The following CAPN13 variants were observed in gnomAD, a reference collection of about 807,000 sequenced individuals.
CAPN13 encodes calpain-13.
In CAPN13, 90 loss-of-function variants were observed where a neutral mutation model predicts 98.4. The ratio of observed to expected loss-of-function variants is 0.92; its 90% CI spans 0.77 to 1.09. The LOEUF is 1.09. Ranked by LOEUF, CAPN13 falls within the 50% of genes least tolerant of loss-of-function variation. The pLI is 0.00. For missense variants in CAPN13, 887 were observed against 841.3 expected (o/e 1.05, Z -0.67); for synonymous variants, 330 against 305.5 (o/e 1.08, Z -0.84).
At chr2:30,770,496 G>A (rs1203814345) in intron 4 of CAPN13, 47 bp from the exon 5 acceptor site, 1 of 1,597,216 alleles carries the variant, frequency 6.3e-7, no homozygotes, top group African/African-American at 1.3e-5. Flanking sequence ...AGGCAGAAGG[G>A]AGCTCCTGGG....
intron 3 of CAPN13, 128 bp downstream of exon 3, chr2:30,777,439 C>A: frequency 2.6e-6 from 2 of 762,424 alleles, no homozygotes; most frequent in Non-Finnish European, 4.5e-6. Flanking sequence ...TGGGCGTGAG[C>A]AGTTTGTCCA....
At chr2:30,758,230 A>G in intron 7 of CAPN13, 93 bp from the exon 8 acceptor site, 1 of 906,048 alleles carries the variant, frequency 1.1e-6, no homozygotes, top group Non-Finnish European at 1.6e-6. Context: ...TCCAAGGACC[A>G]ATTTAACTTC....
intron 9 of CAPN13, 138 bp from the exon 10 acceptor site, chr2:30,753,336 T>G: frequency 2.3e-6 from 2 of 856,930 alleles, no homozygotes; most frequent in Non-Finnish European, 1.8e-6. Context: ...TCAAGCACCC[T>G]TCTATCTTTT....
chr2:30,734,343 C>T, intron 19 of CAPN13, 106 bp downstream of exon 19: 1 of 844,706 alleles, frequency 1.2e-6, no homozygotes, highest in Non-Finnish European at 2.0e-6. Context: ...CAGCGCTCCT[C>T]TCTCCTGATT....
At chr2:30,791,665 A>T (rs527762067) in intron 1 of CAPN13, among the ~76,000 whole-genome samples, 2 of 152,258 alleles carry the variant, frequency 1.3e-5, no homozygotes, top group African/African-American at 2.4e-5. Context: ...GAAAAGATGC[A>T]TAAGAGTTAA....
rs1375149941 is a variant in CAPN13 at position 30,764,229 on chromosome 2, G to C, written c.602C>G (p.Thr201Ser). Residue 201 changes from threonine (T) to serine (S), a missense_variant, in exon 6 of 23, where the codon ACC becomes AGC. Physicochemically the swap from Thr to Ser is moderately conservative, Grantham distance 58. Coordinates refer to ENST00000295055, the MANE Select transcript of CAPN13 (RefSeq NM_144575.3). ...AGGGGAAGAGTGCAGATGGATGTTGGTGATCACGCCTCCTGTGAGGTCCAC... is the reference window on the plus strand; with the variant it reads ...AGGGGAAGAGTGCAGATGGATGTTGCTGATCACGCCTCCTGTGAGGTCCAC... ...ALVDLTGGVI[T>S]NIHLHSSPVD... The C allele has an allele frequency of 1.2e-6, 2 of 1,613,256 alleles. No homozygotes were observed. The highest frequency in any genetic ancestry group is 2.2e-5 in the South Asian group (2 of 90,734).
chr2:30,727,358 C>T (rs1670892976), intron 22 of CAPN13, among the ~76,000 whole-genome samples: 1 of 152,078 alleles, frequency 6.6e-6, no homozygotes, highest in Admixed American at 6.5e-5. Flanking sequence ...CAGATGATGG[C>T]ATCAAAAACT....
At position 30,775,923 on chromosome 2, in the gene CAPN13, C is replaced by T; in HGVS notation, c.387+7G>A. 2.5e-6 allele frequency: 4 copies of T among 1,603,042 alleles called. No homozygotes were observed. The highest frequency in any genetic ancestry group is 1.7e-5 in the Admixed American group (1 of 59,338). On this transcript the variant is annotated splice_region_variant and intron_variant, in intron 4 of 22. Transcript: ENST00000295055. ...TCATATAATGAGCGCTGCAAGGGCA[C>T]ACGTACCCGGAAACGGAAAATGCCA...
At chr2:30,783,194 A>C (rs2148065001) in intron 2 of CAPN13, among the ~76,000 whole-genome samples, 1 of 152,318 alleles carries the variant, frequency 6.6e-6, no homozygotes, top group East Asian at 1.9e-4. Context: ...AATTCTCCTA[A>C]AAGGGGTCCA....
At position 30,763,136 on chromosome 2, in the gene CAPN13, C is replaced by A; in HGVS notation, c.720G>T (p.Ala240=). The A allele has an allele frequency of 3.7e-6, 6 of 1,611,362 alleles. No individual in the cohort carries two copies. The highest frequency in any genetic ancestry group is 5.1e-6 in the Non-Finnish European group (6 of 1,178,922). Residue 240 remains alanine (A), a synonymous_variant, in exon 7 of 23, where the codon GCG becomes GCT. Coordinates refer to ENST00000295055, the MANE Select transcript of CAPN13 (RefSeq NM_144575.3). ...GGAGACTCACCAGCCCATTCTCCAT[C>A]GCCTGTGCTGTATCTGTTGGCTTCA... ...TPSGPTDTAQ[A]MENGLVSLHA...
At chr2:30,770,258 G>A (rs1159659408) in intron 5 of CAPN13, 55 bp downstream of exon 5, 13 of 1,592,286 alleles carry the variant, frequency 8.2e-6, no homozygotes, top group South Asian at 1.1e-5. Flanking sequence ...TGCATTCCGG[G>A]TAGGCAGGAC....
Position 30,764,526 on chromosome 2 carries a change from C to A in CAPN13, c.525-220G>T, listed in dbSNP as rs113638877. 2.0e-3 allele frequency among the ~76,000 whole-genome samples: 300 copies of A among 152,304 alleles called. 2 individuals are homozygous for A. Among genetic ancestry groups the A allele is most frequent in the African/African-American group, 6.8e-3 (282 of 41,568 alleles). On this transcript the variant is annotated intron_variant, in intron 5 of 22. Transcript: ENST00000295055. ...TCTGTACCTTCCTGCCCTGGTCCCC[C>A]AGGCCTGCACAGTCCCATAAGTGGC...
rs1672463214 is a variant in CAPN13 at position 30,756,568 on chromosome 2, T to C, written c.866+1478A>G. Among the ~76,000 whole-genome samples, 3 of 152,208 alleles carry C rather than the reference T, an allele frequency of 2.0e-5. No homozygotes were observed. In the South Asian group the frequency reaches 6.2e-4, roughly 31 times the overall value. On this transcript the variant is annotated intron_variant, in intron 8 of 22. Transcript: ENST00000295055. ...TCTCCTACCCCAGGGAATCTGTCAT[T>C]GTCATTTGCCTTCCCTCTACTTCTA...
At chr2:30,800,643 A>T (rs530864360) in intron 1 of CAPN13, among the ~76,000 whole-genome samples, 1 of 152,348 alleles carries the variant, frequency 6.6e-6, no homozygotes, top group Non-Finnish European at 1.5e-5. Flanking sequence ...TATTTCTGGA[A>T]CTGAGACAAC....
In CAPN13 at chr2:30,764,226, T is replaced by G. The variant is rs1463965443; in HGVS notation, c.605A>C (p.Asn202Thr). The G allele has an allele frequency of 6.2e-7, 1 of 1,613,212 alleles. No homozygotes were observed. Among genetic ancestry groups the G allele is most frequent in the Non-Finnish European group, 8.5e-7 (1 of 1,179,638 alleles). Reference sequence around the variant, plus strand: ...CACAGGGGAAGAGTGCAGATGGATGTTGGTGATCACGCCTCCTGTGAGGTC... The same window carrying G: ...CACAGGGGAAGAGTGCAGATGGATGGTGGTGATCACGCCTCCTGTGAGGTC... ...LVDLTGGVIT[N>T]IHLHSSPVDL... The change falls in exon 6 of 23, where the codon AAC becomes ACC. Residue 202 changes from asparagine to threonine, a missense_variant. Transcript: ENST00000295055.
chr2:30,765,721 C>G (rs377410805), intron 5 of CAPN13, among the ~76,000 whole-genome samples: 1 of 152,346 alleles, frequency 6.6e-6, no homozygotes, highest in East Asian at 1.9e-4. Context: ...CGTATCGTAT[C>G]AAGCAGTCAC....
At chr2:30,754,432 C>A in intron 8 of CAPN13, 68 bp from the exon 9 acceptor site, 1 of 1,320,778 alleles carries the variant, frequency 7.6e-7, no homozygotes, top group South Asian at 1.5e-5. Flanking sequence ...ATGTGTGGGT[C>A]AACAGGGACC....
rs764100350 is a variant in CAPN13 at position 30,732,428 on chromosome 2, G to T, written c.1927+10C>A. 1.2e-6 allele frequency: 2 copies of T among 1,613,020 alleles called. No individual in the cohort carries two copies. The highest frequency in any genetic ancestry group is 1.7e-6 in the Non-Finnish European group (2 of 1,179,774). On this transcript the variant is annotated intron_variant, in intron 20 of 22. Transcript: ENST00000295055. ...CCAAGGTCTCTGGGATGCCCCTTGG[G>T]GACACTTACTTGCCATGGCTTCAAG...
rs761110822 is a variant in CAPN13, at chr2:30,730,771, T to A, written c.1999A>T (p.Met667Leu). 1.5e-5 allele frequency: 12 copies of A among 780,918 alleles called. No homozygotes were observed. In the South Asian group the frequency reaches 1.6e-4, roughly 10 times the overall value. The allele number at this position is 780,918 out of a possible 1,614,324, so 48.4% of individuals were successfully genotyped here. A position where few individuals can be genotyped will look rare whatever the true frequency, so the allele number is the denominator to read the frequency against. ...LTEMEWMSLV[M>L]YN Reference sequence around the variant, plus strand: ...CTTTCCTCTTTGCTTCAGTTGTACATGACCAGGCTCATCCACTGAAAAATA... The same window carrying A: ...CTTTCCTCTTTGCTTCAGTTGTACAAGACCAGGCTCATCCACTGAAAAATA... The change falls in exon 22 of 23, where the codon ATG becomes TTG. Residue 667 changes from methionine to leucine, a missense_variant. Physicochemically the swap from Met to Leu is conservative, Grantham distance 15 (BLOSUM62 2). Transcript: ENST00000295055.
Sources: gnomAD v4.1 joint callset for allele counts (sites outside exome capture counted in the v4.1 genomes callset) on GRCh38, gnomAD v4.1.1 for gene constraint, MANE v1.5 for transcripts, NCBI Gene and HGNC (gene_info 2026-07-23, HGNC 2026-07-21) for gene names.